CDH18: variants seen among roughly 807,000 people sequenced by gnomAD.
The protein encoded by CDH18 is cadherin-18.
Under a neutral mutation model 67.9 loss-of-function variants are expected in CDH18, and 31 were observed. The observed-to-expected ratio is 0.46, with a 90% CI of 0.34 to 0.62. The LOEUF (loss-of-function observed/expected upper bound fraction) is 0.62, where lower values mean the gene tolerates loss of function less well. Ranked by LOEUF, CDH18 falls within the 20% of genes least tolerant of loss-of-function variation. The probability of loss-of-function intolerance (pLI) is 0.01; values close to 1 mark genes in which losing one functional copy is unlikely to be tolerated. For synonymous variants in CDH18, 362 were observed against 347.2 expected (o/e 1.04, Z -0.48); for missense variants, 890 against 975.5 (o/e 0.91, Z 1.17).
chr5:19,709,758 T>C (rs1764475574), intron 5 of CDH18, among the ~76,000 whole-genome samples: 1 of 150,726 alleles, frequency 6.6e-6, no homozygotes, highest in Non-Finnish European at 1.5e-5. Flanking sequence ...CCCAAAATGT[T>C]GGGAGAGTTA....
At chr5:20,432,526 A>G (rs1748826339) in intron 1 of CDH18, among the ~76,000 whole-genome samples, 1 of 152,110 alleles carries the variant, frequency 6.6e-6, no homozygotes, top group Non-Finnish European at 1.5e-5. Flanking sequence ...GCTTTTTCTT[A>G]CAGTTTTGGA....
At chr5:19,508,830 T>G (rs1236918666) in intron 10 of CDH18, among the ~76,000 whole-genome samples, 1 of 151,482 alleles carries the variant, frequency 6.6e-6, no homozygotes, top group African/African-American at 2.4e-5. Flanking sequence ...TTGCTTGGCT[T>G]AAGCATTTTA....
chr5:20,565,631 G>A (rs1407975708), intron 1 of CDH18, among the ~76,000 whole-genome samples: 2 of 151,898 alleles, frequency 1.3e-5, no homozygotes, highest in Admixed American at 6.6e-5. Flanking sequence ...TTTTGTGAAT[G>A]GAATATCCTG....
chr5:19,473,536 C>T lies in CDH18; in HGVS notation c.2063G>A (p.Arg688Gln), dbSNP rs140353037. The T allele has an allele frequency of 2.2e-5, 35 of 1,613,672 alleles. No homozygotes were observed. The highest frequency in any genetic ancestry group is 1.9e-4 in the African/African-American group (14 of 74,856). ...CTTCACTTCAGGTCTGATATCCCTC[C>T]GGTACTTGAGCTCCTCAGCAGCAGA... ...NPSAAEELKY[R>Q]RDIRPEVKLT... Residue 688 changes from arginine to glutamine, a missense_variant, in exon 13 of 13, where the codon CGG becomes CAG. This residue lies in a region of CDH18 where 656 missense variants were observed against 668.1 expected (regional missense o/e 0.98). Transcript: ENST00000382275.
At chr5:20,279,725 A>AAAAAAAAAAAAAAAAAAAAAAAAC (rs59764100) in intron 1 of CDH18, among the ~76,000 whole-genome samples, 5 of 128,788 alleles carry the variant, frequency 3.9e-5, no homozygotes, top group African/African-American at 1.4e-4. Context: ...AAAAAAAAAA[A>AAAAAAAAAAAAAAAAAAAAAAAAC]AAAGCAAAAA....
intron 1 of CDH18, among the ~76,000 whole-genome samples, chr5:20,485,902 G>A (rs1233660841): frequency 3.9e-5 from 6 of 152,288 alleles, no homozygotes; most frequent in Non-Finnish European, 7.3e-5. Flanking sequence ...TTGAAGTTGG[G>A]TATATTGTAA....
At chr5:19,950,902 C>A (rs1018644882) in intron 2 of CDH18, among the ~76,000 whole-genome samples, 1 of 152,170 alleles carries the variant, frequency 6.6e-6, no homozygotes, top group African/African-American at 2.4e-5. Flanking sequence ...CACTTCTCTG[C>A]TAAAACCTTA....
intron 5 of CDH18, among the ~76,000 whole-genome samples, chr5:19,709,994 G>T (rs1275847443): frequency 3.3e-5 from 5 of 151,980 alleles, no homozygotes; most frequent in Non-Finnish European, 5.9e-5. Flanking sequence ...AATTTGCCAG[G>T]CATGGTGGCA....
intron 2 of CDH18, among the ~76,000 whole-genome samples, chr5:20,251,397 ATGAT>A (rs1440332104): frequency 2.6e-5 from 4 of 152,104 alleles, no homozygotes; most frequent in Admixed American, 1.3e-4. Context: ...CTGTAATAAC[ATGAT>A]TGATTGATTA....
chr5:20,569,594 G>C (rs781004349), intron 1 of CDH18, among the ~76,000 whole-genome samples: 104 of 152,190 alleles, frequency 6.8e-4, no homozygotes, highest in Non-Finnish European at 1.3e-3. Context: ...CTGGGCAACA[G>C]AGCAAGACTC....
chr5:19,786,843 TG>T (rs1004776815), intron 3 of CDH18, among the ~76,000 whole-genome samples: 1 of 151,612 alleles, frequency 6.6e-6, no homozygotes, highest in Non-Finnish European at 1.5e-5. Flanking sequence ...TAGGCATGGC[TG>T]GGGGGGTGTT....
At chr5:19,607,072 G>A (rs1414018090) in intron 6 of CDH18, among the ~76,000 whole-genome samples, 1 of 151,524 alleles carries the variant, frequency 6.6e-6, no homozygotes, top group Non-Finnish European at 1.5e-5. Context: ...ATTCTGATTG[G>A]AAATACCTTC....
intron 1 of CDH18, among the ~76,000 whole-genome samples, chr5:20,463,160 A>G (rs1449397984): frequency 6.6e-6 from 1 of 152,082 alleles, no homozygotes; most frequent in East Asian, 1.9e-4. Context: ...GGTACTGTTC[A>G]TTCAGAATTG....
intron 6 of CDH18, among the ~76,000 whole-genome samples, chr5:19,594,237 T>C (rs1202305043): frequency 6.6e-6 from 1 of 152,058 alleles, no homozygotes; most frequent in African/African-American, 2.4e-5. Flanking sequence ...CTGCAAGCTC[T>C]GCCTCCTGGC....
intron 10 of CDH18, among the ~76,000 whole-genome samples, chr5:19,503,661 A>G (rs1743628383): frequency 6.6e-6 from 1 of 152,088 alleles, no homozygotes; most frequent in African/African-American, 2.4e-5. Context: ...ATAATGGCAG[A>G]GGCTAAACAA....
chr5:20,401,729 ATT>A (rs913447677), intron 1 of CDH18, among the ~76,000 whole-genome samples: 14 of 152,120 alleles, frequency 9.2e-5, no homozygotes, highest in African/African-American at 3.4e-4. Flanking sequence ...TTACTTTCTT[ATT>A]TCTTCACTGC....
At chr5:19,487,095 T>G (rs2126630591) in intron 11 of CDH18, among the ~76,000 whole-genome samples, 1 of 152,218 alleles carries the variant, frequency 6.6e-6, no homozygotes, top group South Asian at 2.1e-4. Context: ...ACAAAGAAAT[T>G]TAACAATAAG....
chr5:19,908,795 T>C (rs78695449), intron 2 of CDH18, among the ~76,000 whole-genome samples: 4,428 of 152,286 alleles, frequency 0.029, 238 homozygotes, highest in African/African-American at 0.1. Context: ...TTATCAGGCC[T>C]GAATGCTAAC....
At chr5:19,647,304 C>T (rs1323184034) in intron 5 of CDH18, among the ~76,000 whole-genome samples, 7 of 151,496 alleles carry the variant, frequency 4.6e-5, no homozygotes, top group Admixed American at 6.6e-5. Flanking sequence ...AGGCGGATCA[C>T]GAGGTCAAGA....
Sources: gnomAD v4.1 joint callset for allele counts (sites outside exome capture counted in the v4.1 genomes callset) on GRCh38, gnomAD v4.1.1 for gene constraint, gnomAD v4.1.1 regional missense constraint, MANE v1.5 for transcripts, NCBI Gene and HGNC (gene_info 2026-07-23, HGNC 2026-07-21) for gene names.